IRF2: variants seen among roughly 807,000 people sequenced by gnomAD.
IRF2 encodes interferon regulatory factor 2.
In IRF2, 15 loss-of-function variants were observed where a neutral mutation model predicts 40.6. The observed-to-expected ratio is 0.37, with a 90% confidence interval of 0.25 to 0.57. The LOEUF is 0.57. Among genes scored for constraint, IRF2 ranks in the 20% least tolerant of loss-of-function variants. The pLI is 0.77. For synonymous variants in IRF2, 151 were observed against 165.5 expected, an observed-to-expected ratio of 0.91 and a Z score of 0.67; for missense variants, 317 against 455.7, an observed-to-expected ratio of 0.70 and a Z score of 2.77.
At chr4:184,428,859 G>C in intron 2 of IRF2, 119 bp downstream of exon 2, 1 of 836,864 alleles carries the variant, frequency 1.2e-6, no homozygotes, top group Non-Finnish European at 2.1e-6. Flanking sequence ...TGGGTTGGCT[G>C]GTTTTTGTCA....
intron 6 of IRF2, chr4:184,407,129 T>C (rs1157126262): frequency 8.1e-7 from 1 of 1,241,812 alleles, no homozygotes; most frequent in African/African-American, 1.5e-5. Flanking sequence ...ACCTGCAAAC[T>C]TTTTACACTG....
At chr4:184,418,064 A>G (rs751759262) in intron 5 of IRF2, 103 bp downstream of exon 5, 62 of 850,444 alleles carry the variant, frequency 7.3e-5, no homozygotes, top group Non-Finnish European at 9.9e-5. Flanking sequence ...GCAAAGGAAG[A>G]AAGAGGACAC....
chr4:184,472,394 C>G (rs1334547720), intron 1 of IRF2: 2 of 152,136 alleles, frequency 1.3e-5, no homozygotes, highest in Non-Finnish European at 2.9e-5. Flanking sequence ...TGCCCTTAAG[C>G]ACCAAAAACT....
intron 7 of IRF2, among the ~76,000 whole-genome samples, chr4:184,396,281 G>A (rs911412642): frequency 6.6e-6 from 1 of 152,276 alleles, no homozygotes; most frequent in Admixed American, 6.5e-5. Context: ...GGCAGAGCCC[G>A]TGCGCTGTCC....
intron 7 of IRF2, among the ~76,000 whole-genome samples, chr4:184,396,797 TAATTAAAC>T (rs1390218609): frequency 6.6e-6 from 1 of 152,064 alleles, no homozygotes; most frequent in Non-Finnish European, 1.5e-5. Context: ...ACTCTAATTA[TAATTAAAC>T]AAGTCAACTG....
At chr4:184,418,329 A>T in intron 4 of IRF2, 116 bp from the exon 5 acceptor site, 1 of 997,938 alleles carries the variant, frequency 1.0e-6, no homozygotes, top group Non-Finnish European at 1.6e-6. Context: ...TAATCTGTAC[A>T]TGGTCAAAAT....
intron 1 of IRF2, among the ~76,000 whole-genome samples, chr4:184,461,137 T>G (rs793797): frequency 0.98 from 148,502 of 152,264 alleles, 72,543 homozygotes; most frequent in East Asian, 1. Flanking sequence ...AAGGGAAGGG[T>G]AAGTAGAGAG....
At chr4:184,454,066 A>C (rs1738825451) in intron 1 of IRF2, among the ~76,000 whole-genome samples, 1 of 152,188 alleles carries the variant, frequency 6.6e-6, no homozygotes, top group African/African-American at 2.4e-5. Flanking sequence ...CCTTCCCAAA[A>C]ACCAGTTGCC....
At chr4:184,464,331 G>A (rs1739248779) in intron 1 of IRF2, among the ~76,000 whole-genome samples, 2 of 152,012 alleles carry the variant, frequency 1.3e-5, no homozygotes, top group African/African-American at 4.8e-5. Flanking sequence ...GTATGAAGAT[G>A]GGGACCATAA....
chr4:184,436,072 G>A (rs1353426544), intron 1 of IRF2, among the ~76,000 whole-genome samples: 1 of 151,640 alleles, frequency 6.6e-6, no homozygotes, highest in Admixed American at 6.6e-5. Context: ...TGCCTCCCAG[G>A]TTCAAGCAAT....
chr4:184,472,140 A>G (rs1279047923), intron 1 of IRF2: 1 of 152,230 alleles, frequency 6.6e-6, no homozygotes, highest in East Asian at 1.9e-4. Flanking sequence ...CAAGTCTTAA[A>G]TATTTCATCT....
At chr4:184,457,964 C>A (rs941893869) in intron 1 of IRF2, among the ~76,000 whole-genome samples, 4 of 152,222 alleles carry the variant, frequency 2.6e-5, no homozygotes, top group Non-Finnish European at 5.9e-5. Flanking sequence ...GGCTCTGACA[C>A]TCCCTCCTTC....
chr4:184,428,774 G>A (rs1336146918), intron 2 of IRF2: 6 of 588,874 alleles, frequency 1.0e-5, no homozygotes, highest in Admixed American at 2.3e-5. Flanking sequence ...ACTCCAGCGT[G>A]GGCCATATAG....
intron 2 of IRF2, among the ~76,000 whole-genome samples, chr4:184,422,770 A>T (rs1431865841): frequency 1.3e-5 from 2 of 152,196 alleles, no homozygotes; most frequent in African/African-American, 4.8e-5. Context: ...ATCCATAGAG[A>T]CAGAGAGCAG....
intron 1 of IRF2, among the ~76,000 whole-genome samples, chr4:184,453,127 CTG>C (rs1300066756): frequency 1.1e-4 from 16 of 152,148 alleles, no homozygotes; most frequent in Admixed American, 9.8e-4. Context: ...CATGAGAAAA[CTG>C]TGAATTGCAG....
chr4:184,469,003 C>T (rs1432377250), intron 1 of IRF2, among the ~76,000 whole-genome samples: 1 of 152,156 alleles, frequency 6.6e-6, no homozygotes, highest in East Asian at 1.9e-4. Flanking sequence ...ATGCACCTTC[C>T]ACCGCAGAGC....
intron 6 of IRF2, among the ~76,000 whole-genome samples, chr4:184,405,159 G>A (rs958947831): frequency 2.6e-5 from 4 of 152,112 alleles, no homozygotes; most frequent in South Asian, 2.1e-4. Flanking sequence ...CAGGAGAATC[G>A]CTTGAACCCA....
chr4:184,394,201 A>G (rs994776557), intron 7 of IRF2, among the ~76,000 whole-genome samples: 1 of 152,152 alleles, frequency 6.6e-6, no homozygotes, highest in African/African-American at 2.4e-5. Flanking sequence ...AGTTTTCCTG[A>G]AAGCATCTAG....
rs148973928 is a variant in IRF2 at position 184,388,206 on chromosome 4, CGGGAT to C, written c.*547_*551del. On this transcript the variant is annotated 3_prime_UTR_variant, in exon 9 of 9. Coordinates refer to ENST00000393593, the MANE Select transcript of IRF2 (RefSeq NM_002199.4). This position sits in a 1 kb window ranked among gnomAD's most constrained non-coding sequence, Gnocchi z 4.6. The stretch of plus-strand genomic sequence containing the variant: ...GAGGGAAGGAAAAGTAGGAAAAGAG[CGGGAT>C]GGGATGGGATGGGATGGGATGGGAT... The C allele has an allele frequency of 0.82, 120,212 of 146,340 alleles. 49,374 individuals carry two copies. The highest frequency in any genetic ancestry group is 0.94 in the South Asian group (4,255 of 4,530). 9.1% of individuals were successfully genotyped at this position (146,340 alleles called of 1,614,324 possible).
Sources: allele counts gnomAD v4.1 joint callset (sites outside exome capture counted in the v4.1 genomes callset), GRCh38; gene constraint gnomAD v4.1.1; non-coding constraint Gnocchi (gnomAD v3.1); transcripts MANE v1.5; gene names NCBI Gene and HGNC (gene_info 2026-07-23, HGNC 2026-07-21).